PTPRD: variants seen among roughly 807,000 people sequenced by gnomAD.
PTPRD encodes receptor-type tyrosine-protein phosphatase delta.
A neutral mutation model predicts 214.5 loss-of-function variants in PTPRD; 34 were observed. The ratio of observed to expected loss-of-function variants is 0.16; its 90% CI spans 0.12 to 0.21. PTPRD has a LOEUF of 0.21. Ranked by LOEUF, PTPRD falls within the 10% of genes least tolerant of loss-of-function variation. The pLI is 1.00. For missense variants in PTPRD, 2,545 were observed against 2,398.7 expected, an observed-to-expected ratio of 1.06 and a Z score of -1.27; for synonymous variants, 1,128 against 845.7, an observed-to-expected ratio of 1.33 and a Z score of -5.79.
At chr9:8,761,054 T>C (rs1335555023) in intron 11 of PTPRD, among the ~76,000 whole-genome samples, 1 of 152,196 alleles carries the variant, frequency 6.6e-6, no homozygotes, top group African/African-American at 2.4e-5. Flanking sequence ...GCTTTTTACA[T>C]CTCATGTGTC....
intron 3 of PTPRD, among the ~76,000 whole-genome samples, chr9:10,060,366 C>A (rs907662004): frequency 2.0e-5 from 3 of 152,028 alleles, no homozygotes; most frequent in Non-Finnish European, 2.9e-5. Flanking sequence ...GTCCCATCCA[C>A]AAACTCTTTC....
chr9:8,678,986 C>G (rs2097495612), intron 12 of PTPRD, among the ~76,000 whole-genome samples: 1 of 152,154 alleles, frequency 6.6e-6, no homozygotes, highest in East Asian at 1.9e-4. Flanking sequence ...GTTCATGTCA[C>G]AATGCAAATC....
At chr9:9,341,257 A>G (rs930935151) in intron 9 of PTPRD, among the ~76,000 whole-genome samples, 3 of 152,012 alleles carry the variant, frequency 2.0e-5, no homozygotes, top group Non-Finnish European at 4.4e-5. Flanking sequence ...TTTAACCTCC[A>G]TCTGTAGGCT....
intron 9 of PTPRD, among the ~76,000 whole-genome samples, chr9:9,269,973 TATTA>T (rs776735575): frequency 7.3e-5 from 11 of 150,374 alleles, no homozygotes; most frequent in South Asian, 4.2e-4. Flanking sequence ...TTTAATATAA[TATTA>T]ATTAATAAAA....
At chr9:9,929,662 G>A (rs978649203) in intron 5 of PTPRD, among the ~76,000 whole-genome samples, 13 of 152,136 alleles carry the variant, frequency 8.5e-5, no homozygotes, top group African/African-American at 3.1e-4. Context: ...AAAGTGCTGA[G>A]ATTACAGGCT....
At chr9:9,322,270 C>T (rs17668986) in intron 9 of PTPRD, among the ~76,000 whole-genome samples, 16,951 of 152,066 alleles carry the variant, frequency 0.11, 1,260 homozygotes, top group Non-Finnish European at 0.16. Context: ...AACTTTGGAA[C>T]GATAAAAGCT....
intron 2 of PTPRD, among the ~76,000 whole-genome samples, chr9:10,500,755 A>G (rs2043422860): frequency 6.6e-6 from 1 of 151,874 alleles, no homozygotes; most frequent in African/African-American, 2.4e-5. Flanking sequence ...CATGAATTCA[A>G]TTGTTTTAAT....
rs1032924222 is a variant in PTPRD at position 9,021,762 on chromosome 9, G to A, written c.-142-3027C>T. Among the ~76,000 whole-genome samples, 5 of 152,082 alleles carry A rather than the reference G, an allele frequency of 3.3e-5. No individual in the cohort carries two copies. In the South Asian group the frequency reaches 1.0e-3, roughly 32 times the overall value. Reference sequence around the variant, plus strand: ...GTGTCTTAATTTTTAGTAAAAAAAAGTTTTAAGTACACAAAAAATTTAAAA... The same window carrying A: ...GTGTCTTAATTTTTAGTAAAAAAAAATTTTAAGTACACAAAAAATTTAAAA... On this transcript the variant is annotated intron_variant, in intron 10 of 45. Coordinates refer to ENST00000381196, the MANE Select transcript of PTPRD (RefSeq NM_002839.4).
chr9:8,955,166 T>C (rs1418474825), intron 11 of PTPRD, among the ~76,000 whole-genome samples: 1 of 151,914 alleles, frequency 6.6e-6, no homozygotes, highest in Admixed American at 6.6e-5. Context: ...GAAGAGCTAA[T>C]ATTAGGAAAA....
Position 8,752,570 on chromosome 9 carries a change from CT to C in PTPRD, c.-103-18625del, listed in dbSNP as rs568283995. Among the ~76,000 whole-genome samples, 25 of 152,282 alleles carry C rather than the reference CT, an allele frequency of 1.6e-4. No individual in the cohort carries two copies. In the East Asian group the frequency reaches 4.8e-3, roughly 29 times the overall value. On this transcript the variant is annotated intron_variant, in intron 11 of 45. Transcript: ENST00000381196. ...TTACTCTATGGACTCGCCCTCAATT[CT>C]TTCTTGTGCGAGACTCAAGAACCCT...
intron 7 of PTPRD, among the ~76,000 whole-genome samples, chr9:9,648,029 T>C (rs1257200251): frequency 6.6e-6 from 1 of 152,158 alleles, no homozygotes; most frequent in African/African-American, 2.4e-5. Flanking sequence ...TTTTATGTCT[T>C]TGCCATTTTT....
intron 11 of PTPRD, among the ~76,000 whole-genome samples, chr9:8,850,746 C>T (rs1443869189): frequency 6.6e-6 from 1 of 152,170 alleles, no homozygotes; most frequent in Non-Finnish European, 1.5e-5. Flanking sequence ...TGGTTTTTCT[C>T]TCAAAATTCT....
chr9:8,349,568 CATG>C (rs2074847567), intron 39 of PTPRD, among the ~76,000 whole-genome samples: 1 of 152,244 alleles, frequency 6.6e-6, no homozygotes, highest in Non-Finnish European at 1.5e-5. Flanking sequence ...CAACTTGAAA[CATG>C]ATAAGAACAG....
chr9:9,458,932 C>T (rs553108177), intron 8 of PTPRD, among the ~76,000 whole-genome samples: 15 of 152,036 alleles, frequency 9.9e-5, no homozygotes, highest in African/African-American at 3.6e-4. Context: ...AGAGCAAGAC[C>T]CTGTCTAAAA....
chr9:9,917,950 C>A (rs572726997), intron 5 of PTPRD, among the ~76,000 whole-genome samples: 13 of 151,856 alleles, frequency 8.6e-5, no homozygotes, highest in Non-Finnish European at 1.5e-4. Flanking sequence ...ATATGACAAA[C>A]CCAAAACATC....
intron 5 of PTPRD, among the ~76,000 whole-genome samples, chr9:9,843,791 G>A (rs749390948): frequency 7.9e-5 from 12 of 151,834 alleles, no homozygotes; most frequent in African/African-American, 1.5e-4. Flanking sequence ...AATGAAAACC[G>A]AAATTTAAAT....
chr9:10,031,671 C>A, intron 4 of PTPRD, among the ~76,000 whole-genome samples: 1 of 134,522 alleles, frequency 7.4e-6, no homozygotes, highest in Admixed American at 7.6e-5. Context: ...CACACATACA[C>A]ACACACACAC....
At chr9:9,364,680 G>A (rs2057360086) in intron 9 of PTPRD, among the ~76,000 whole-genome samples, 1 of 151,330 alleles carries the variant, frequency 6.6e-6, no homozygotes, top group Non-Finnish European at 1.5e-5. Context: ...AACCAACAGT[G>A]AGGAAGGAAA....
chr9:9,338,696 T>G (rs1185198387), intron 9 of PTPRD, among the ~76,000 whole-genome samples: 3 of 152,154 alleles, frequency 2.0e-5, no homozygotes, highest in Admixed American at 6.5e-5. Flanking sequence ...TTTTTCCAAT[T>G]TCTTTTCTAT....
Sources: gnomAD v4.1 joint callset for allele counts (sites outside exome capture counted in the v4.1 genomes callset) on GRCh38, gnomAD v4.1.1 for gene constraint, MANE v1.5 for transcripts, NCBI Gene and HGNC (gene_info 2026-07-23, HGNC 2026-07-21) for gene names.